PRPF38A: variants seen among roughly 807,000 people sequenced by gnomAD.
PRPF38A encodes pre-mRNA-splicing factor 38A.
In PRPF38A, 11 loss-of-function variants were observed where a neutral mutation model predicts 46.8. That is an observed-to-expected ratio of 0.24 (90% CI 0.15 to 0.39). PRPF38A has a LOEUF of 0.39. PRPF38A is among the 10% of genes least tolerant of loss of function. PRPF38A has a pLI of 1.00. For missense variants in PRPF38A, 261 were observed against 407.5 expected (o/e 0.64, Z 3.10); for synonymous variants, 124 against 136.2 (o/e 0.91, Z 0.62).
At chr1:52,414,075 C>T (rs1648224951) in intron 6 of PRPF38A, 84 bp downstream of exon 6, 8 of 827,262 alleles carry the variant, frequency 9.7e-6, no homozygotes, top group Middle Eastern at 2.3e-4. Flanking sequence ...GAAAAATGCA[C>T]GTCTATGGAG....
chr1:52,414,783 G>A lies in PRPF38A; in HGVS notation c.771G>A (p.Arg257=). The change falls in exon 8 of 10, where the codon AGG becomes AGA. Residue 257 remains arginine (R), a synonymous_variant. Coordinates refer to ENST00000257181, the MANE Select transcript of PRPF38A (RefSeq NM_032864.4). ...KRRSPSPRRE[R]HRSKSPRRHR... is the part of the protein sequence containing the mutation. ...ACAGCCCCTCCCCTCGCCGAGAAAGGCATCGGAGCAAGAGTCCAAGACGTC... is the reference window on the plus strand; with the variant it reads ...ACAGCCCCTCCCCTCGCCGAGAAAGACATCGGAGCAAGAGTCCAAGACGTC... The A allele has an allele frequency of 6.2e-7, 1 of 1,614,126 alleles. No individual in the cohort carries two copies. Among genetic ancestry groups the A allele is most frequent in the Non-Finnish European group, 8.5e-7 (1 of 1,180,026 alleles).
chr1:52,418,445 C>T lies in PRPF38A; in HGVS notation c.*1755C>T, dbSNP rs1223720941. On this transcript the variant is annotated 3_prime_UTR_variant, in exon 10 of 10. Transcript: ENST00000257181. ...CATCCAGTACACTCTTAAAATAAAA[C>T]TTTGTCTTAAAATATGTTTTAAAGT... The T allele has an allele frequency of 6.6e-6, 1 of 152,166 alleles. No individual in the cohort carries two copies. Among genetic ancestry groups the T allele is most frequent in the Non-Finnish European group, 1.5e-5 (1 of 68,016 alleles). 9.4% of individuals were successfully genotyped at this position (152,166 alleles called of 1,614,324 possible). A position where few individuals can be genotyped will look rare whatever the true frequency, so the allele number is the denominator to read the frequency against.
chr1:52,410,541 G>A (rs905490901), intron 3 of PRPF38A, among the ~76,000 whole-genome samples: 1 of 144,598 alleles, frequency 6.9e-6, no homozygotes, highest in Non-Finnish European at 1.5e-5. Flanking sequence ...TCACTCTGTT[G>A]CCCAGGCTGG....
chr1:52,414,755 T>C lies in PRPF38A; in HGVS notation c.750-7T>C, dbSNP rs1457435755. 3 of 1,614,040 alleles carry C rather than the reference T, an allele frequency of 1.9e-6. No individual in the cohort carries two copies. Among genetic ancestry groups the C allele is most frequent in the Non-Finnish European group, 1.7e-6 (2 of 1,180,026 alleles). The stretch of plus-strand genomic sequence containing the variant: ...AGATCTGGTAGTCTGACCAGTCTTT[T>C]CTACAGCCCCTCCCCTCGCCGAGAA... On this transcript the variant is annotated splice_region_variant and splice_polypyrimidine_tract_variant and intron_variant, in intron 7 of 9. Transcript: ENST00000257181.
chr1:52,405,595 T>C (rs1034149399), intron 1 of PRPF38A, 85 bp from the exon 2 acceptor site: 9 of 1,274,382 alleles, frequency 7.1e-6, no homozygotes, highest in Non-Finnish European at 1.0e-5. Flanking sequence ...GATGTATATT[T>C]AGGAGAACCA....
At chr1:52,404,930 C>G (rs370134368) in intron 1 of PRPF38A, 51 bp downstream of exon 1, 4 of 1,599,138 alleles carry the variant, frequency 2.5e-6, no homozygotes, top group Non-Finnish European at 3.4e-6. Context: ...GCCCATTTCT[C>G]CTGACCGAGC....
chr1:52,405,898 G>A (rs947435603), intron 2 of PRPF38A, 59 bp downstream of exon 2: 1 of 1,506,434 alleles, frequency 6.6e-7, no homozygotes, highest in Non-Finnish European at 9.2e-7. Flanking sequence ...TTAGAATTGG[G>A]CTTTGGTTAA....
At position 52,410,294 on chromosome 1, in the gene PRPF38A, C is replaced by T. The variant is rs1035033191; in HGVS notation, c.413-821C>T. Among the ~76,000 whole-genome samples, 76 of 147,884 alleles carry T rather than the reference C, an allele frequency of 5.1e-4. 1 individual carries two copies. The highest frequency in any genetic ancestry group is 1.0e-3 in the Admixed American group (15 of 14,852). The stretch of plus-strand genomic sequence containing the variant: ...TCCAGCCTGGGCAAAAGTGAGACTC[C>T]GTCTCAAAAAAAAATTTTTTTTCTA... On this transcript the variant is annotated intron_variant, in intron 3 of 9. Transcript: ENST00000257181.
Position 52,416,751 on chromosome 1 carries a change from G to A in PRPF38A, c.*61G>A. ...GTGGATATAAGGATATCTGTATGTG[G>A]AAGGATTAAGATCTCCCCCAGGCAG... On this transcript the variant is annotated 3_prime_UTR_variant, in exon 10 of 10. Transcript: ENST00000257181. 2.5e-6 allele frequency: 3 copies of A among 1,199,896 alleles called. No homozygotes were observed. Among genetic ancestry groups the A allele is most frequent in the Non-Finnish European group, 3.7e-6 (3 of 802,174 alleles). 74.3% of individuals were successfully genotyped at this position (1,199,896 alleles called of 1,614,324 possible). A position where few individuals can be genotyped will look rare whatever the true frequency, so the allele number is the denominator to read the frequency against.
chr1:52,411,984 A>C (rs1648162153), intron 4 of PRPF38A, among the ~76,000 whole-genome samples: 1 of 152,180 alleles, frequency 6.6e-6, no homozygotes. Flanking sequence ...CACTACATTT[A>C]GCCATTTGGC....
intron 8 of PRPF38A, among the ~76,000 whole-genome samples, 173 bp downstream of exon 8, chr1:52,415,032 A>G (rs941776481): frequency 2.0e-5 from 3 of 152,228 alleles, no homozygotes; most frequent in African/African-American, 4.8e-5. Context: ...AGCTTTGCTG[A>G]TAAGGTTTGC....
At chr1:52,413,581 A>G (rs1304133496) in intron 5 of PRPF38A, among the ~76,000 whole-genome samples, 1 of 152,002 alleles carries the variant, frequency 6.6e-6, no homozygotes, top group Non-Finnish European at 1.5e-5. Flanking sequence ...TTTTTTTTGT[A>G]GAGATGGGAT....
Position 52,415,392 on chromosome 1 carries a change from G to GA in PRPF38A, c.896+8dup, listed in dbSNP as rs1648261862. 4 of 1,611,210 alleles carry GA rather than the reference G, an allele frequency of 2.5e-6. No homozygotes were observed. The highest frequency in any genetic ancestry group is 3.4e-6 in the Non-Finnish European group (4 of 1,177,542). On this transcript the variant is annotated splice_region_variant and intron_variant, in intron 9 of 9. Transcript: ENST00000257181. ...CACTCAAAGTCTCCCGAAAGGTAAT[G>GA]AATTGACCTCTATTTTAACTTTACA... is the stretch of plus-strand genomic sequence containing the variant.
intron 7 of PRPF38A, 30 bp downstream of exon 7, chr1:52,414,677 T>C (rs772146161): frequency 2.0e-5 from 32 of 1,613,996 alleles, no homozygotes; most frequent in Non-Finnish European, 2.5e-5. Flanking sequence ...TGATGAAGGA[T>C]AGGGCTTTGG....
chr1:52,415,666 CT>C (rs1648269699), intron 9 of PRPF38A, among the ~76,000 whole-genome samples: 3 of 151,328 alleles, frequency 2.0e-5, no homozygotes, highest in Non-Finnish European at 4.4e-5. Flanking sequence ...ACCTGTTTTG[CT>C]TTACAGGATT....
rs1230181080 is a variant in PRPF38A at position 52,414,861 on chromosome 1, T to A, written c.847+2T>A. On this transcript the variant is annotated splice_donor_variant, in intron 8 of 9. Coordinates refer to ENST00000257181, the MANE Select transcript of PRPF38A (RefSeq NM_032864.4). LOFTEE classifies it high-confidence loss of function. ...ACAGATCCCGTTCCAAGTCCCCAGG[T>A]AAAGCTTGTGGGCCTTTTGCCACAG... 1 of 1,613,846 alleles carries A rather than the reference T, an allele frequency of 6.2e-7. No homozygotes were observed. The highest frequency in any genetic ancestry group is 1.1e-5 in the South Asian group (1 of 91,052).
Position 52,404,899 on chromosome 1 carries a change from G to C in PRPF38A, c.130+20G>C. The C allele has an allele frequency of 1.2e-6, 2 of 1,612,414 alleles. No homozygotes were observed. Among genetic ancestry groups the C allele is most frequent in the Non-Finnish European group, 1.7e-6 (2 of 1,179,098 alleles). ...TTACAGGTAAGTGGAAGCGCGCGGA[G>C]CGCCTCTCAGCCCCCTTGTGGCCCA... On this transcript the variant is annotated intron_variant, in intron 1 of 9. Transcript: ENST00000257181.
In PRPF38A at chr1:52,412,535, G is replaced by C; in HGVS notation, c.520G>C (p.Ala174Pro). 6.2e-7 allele frequency: 1 copy of C among 1,613,388 alleles called. No homozygotes were observed. The highest frequency in any genetic ancestry group is 8.5e-7 in the Non-Finnish European group (1 of 1,179,448). The change falls in exon 5 of 10, where the codon GCT (alanine) becomes CCT (proline). Residue 174 changes from alanine to proline, a missense_variant. Transcript: ENST00000257181. ...GTAGAAACGCTATGTATTAGAGGAA[G>C]CTGAGCAACTGGAGCCTCGAGTTAG... ...RLQKRYVLEE[A>P]EQLEPRVSAL...
Position 52,414,616 on chromosome 1 carries a change from T to C in PRPF38A, c.723-5T>C, listed in dbSNP as rs140145485. 29 of 1,613,322 alleles carry C rather than the reference T, an allele frequency of 1.8e-5. No homozygotes were observed. Among genetic ancestry groups the C allele is most frequent in the Non-Finnish European group, 2.4e-5 (28 of 1,180,002 alleles). ...TAGGCTTTCTTCTTCCTCTCCTCTTTATAGGCGGAGTCGATCTCCCAAAAG... is the reference window on the plus strand; with the variant it reads ...TAGGCTTTCTTCTTCCTCTCCTCTTCATAGGCGGAGTCGATCTCCCAAAAG... On this transcript the variant is annotated splice_polypyrimidine_tract_variant and splice_region_variant and intron_variant, in intron 6 of 9. Coordinates refer to ENST00000257181, the MANE Select transcript of PRPF38A (RefSeq NM_032864.4).
Sources: allele counts gnomAD v4.1 joint callset (sites outside exome capture counted in the v4.1 genomes callset), GRCh38; gene constraint gnomAD v4.1.1; transcripts MANE v1.5; gene names NCBI Gene and HGNC (gene_info 2026-07-23, HGNC 2026-07-21).